Variants in ARHGEF4 observed in about 807,000 individuals in gnomAD.
ARHGEF4 encodes APC-stimulated guanine nucleotide exchange factor 1.
ARHGEF4 carries 119 observed loss-of-function variants against 162.0 expected under a neutral mutation model. That is an observed-to-expected ratio of 0.73 (90% confidence interval 0.63 to 0.86). ARHGEF4 has a LOEUF of 0.86. Among genes scored for constraint, ARHGEF4 ranks in the 40% least tolerant of loss-of-function variants. The pLI is 0.00. For synonymous variants in ARHGEF4, 1,014 were observed against 979.9 expected (o/e 1.03, Z -0.65); for missense variants, 2,488 against 2,456.0 (o/e 1.01, Z -0.28).
chr2:130,923,509 T>G (rs182306156), intron 2 of ARHGEF4, among the ~76,000 whole-genome samples: 1 of 152,194 alleles, frequency 6.6e-6, no homozygotes, highest in African/African-American at 2.4e-5. Flanking sequence ...GGTCATCAAG[T>G]CGATAAACTG....
At chr2:130,842,545 A>T (rs527704082) in intron 1 of ARHGEF4, among the ~76,000 whole-genome samples, 1 of 152,276 alleles carries the variant, frequency 6.6e-6, no homozygotes, top group South Asian at 2.1e-4. Flanking sequence ...CAGTCCTTGG[A>T]TTCTTCATGC....
intron 1 of ARHGEF4, among the ~76,000 whole-genome samples, chr2:130,894,442 G>A (rs963454864): frequency 2.6e-5 from 4 of 152,220 alleles, no homozygotes; most frequent in South Asian, 2.1e-4. Flanking sequence ...TCCAGTAGTC[G>A]CTTTGGGCCC....
intron 1 of ARHGEF4, among the ~76,000 whole-genome samples, chr2:130,869,444 G>A (rs1574127456): frequency 6.6e-6 from 1 of 152,350 alleles, no homozygotes; most frequent in South Asian, 2.1e-4. Flanking sequence ...TGACTGAAGA[G>A]GGAGTTACCC....
rs1691071555 is a variant in ARHGEF4 at position 131,044,395 on chromosome 2, C to T, written c.5254C>T (p.His1752Tyr). The T allele has an allele frequency of 2.5e-6, 4 of 1,586,088 alleles. No homozygotes were observed. The South Asian group carries it at 4.6e-5, about 18-fold the overall frequency. Residue 1752 changes from histidine to tyrosine, a missense_variant, in exon 12 of 14, where the codon CAT becomes TAT. His to Tyr is a moderately conservative substitution (Grantham distance 83). Around this residue, in one of 6 missense-constraint regions of ARHGEF4, gnomAD observed 415 missense variants for 512.4 expected, o/e 0.81. Coordinates refer to ENST00000409359, the MANE Select transcript of ARHGEF4 (RefSeq NM_001367493.1). ...GGAGGACGGGAAGGACAGAGACCTCCATGTGAGCATCAAGAACGCCTTCCG... is the reference window on the plus strand; with the variant it reads ...GGAGGACGGGAAGGACAGAGACCTCTATGTGAGCATCAAGAACGCCTTCCG... ...DLEDGKDRDL[H>Y]VSIKNAFRLH...
intron 3 of ARHGEF4, among the ~76,000 whole-genome samples, chr2:130,935,892 C>T (rs1682914929): frequency 1.3e-5 from 2 of 152,134 alleles, no homozygotes; most frequent in South Asian, 4.1e-4. Context: ...CCTGGTGAAA[C>T]CCAGTCTCTA....
chr2:130,983,561 T>A (rs904902917), intron 4 of ARHGEF4, among the ~76,000 whole-genome samples: 1 of 152,232 alleles, frequency 6.6e-6, no homozygotes, highest in Non-Finnish European at 1.5e-5. Flanking sequence ...CTAGTAAAGA[T>A]TTACTTAAGT....
At chr2:131,028,769 C>T (rs536197865) in intron 5 of ARHGEF4, among the ~76,000 whole-genome samples, 1 of 152,272 alleles carries the variant, frequency 6.6e-6, no homozygotes, top group South Asian at 2.1e-4. Flanking sequence ...GAAGTGTAAC[C>T]AGTTGACCAG....
intron 4 of ARHGEF4, among the ~76,000 whole-genome samples, chr2:130,974,610 C>A (rs1490973795): frequency 8.9e-6 from 1 of 112,680 alleles, no homozygotes; most frequent in Non-Finnish European, 1.8e-5. Context: ...GCCACCACAC[C>A]CAGCTATTTT....
chr2:130,993,061 G>T (rs544730318), intron 4 of ARHGEF4, among the ~76,000 whole-genome samples: 1 of 152,306 alleles, frequency 6.6e-6, no homozygotes, highest in Admixed American at 6.5e-5. Flanking sequence ...TCCAGTCTGG[G>T]CAACAGAGCA....
chr2:130,950,789 T>C (rs1683914558), intron 4 of ARHGEF4, among the ~76,000 whole-genome samples: 1 of 152,020 alleles, frequency 6.6e-6, no homozygotes, highest in African/African-American at 2.4e-5. Flanking sequence ...ACTGGTTTTG[T>C]GACTGGCTTC....
intron 4 of ARHGEF4, among the ~76,000 whole-genome samples, chr2:130,987,239 A>G (rs1477953406): frequency 3.9e-5 from 6 of 152,144 alleles, no homozygotes. Context: ...CAGATTCCAG[A>G]AGGACTCCCC....
At chr2:130,930,175 G>C (rs940829713) in intron 2 of ARHGEF4, among the ~76,000 whole-genome samples, 3 of 152,144 alleles carry the variant, frequency 2.0e-5, no homozygotes, top group Admixed American at 6.6e-5. Flanking sequence ...ACATTTTTAA[G>C]GCAGACTTGA....
At chr2:130,891,248 C>G (rs1228698924) in intron 1 of ARHGEF4, among the ~76,000 whole-genome samples, 3 of 152,192 alleles carry the variant, frequency 2.0e-5, no homozygotes, top group Non-Finnish European at 4.4e-5. Context: ...GCATGATTCA[C>G]TGTTCTGGGT....
chr2:130,866,630 A>G (rs1682297318), intron 1 of ARHGEF4, among the ~76,000 whole-genome samples: 1 of 152,110 alleles, frequency 6.6e-6, no homozygotes, highest in East Asian at 1.9e-4. Context: ...TTCTGCATCT[A>G]TTGATTGGTC....
At chr2:130,898,755 T>A (rs1327260874) in intron 1 of ARHGEF4, among the ~76,000 whole-genome samples, 1 of 151,956 alleles carries the variant, frequency 6.6e-6, no homozygotes, top group African/African-American at 2.4e-5. Context: ...CACACATTTC[T>A]CAGGACTAAG....
At chr2:130,864,676 A>G (rs915556716) in intron 1 of ARHGEF4, among the ~76,000 whole-genome samples, 1 of 152,246 alleles carries the variant, frequency 6.6e-6, no homozygotes, top group Non-Finnish European at 1.5e-5. Context: ...GTGAGCCGAG[A>G]TCATGCCACT....
rs565651356 is a variant in ARHGEF4, at chr2:130,960,704, G to A, written c.3985+14069G>A. On this transcript the variant is annotated intron_variant, in intron 4 of 13. Transcript: ENST00000409359. ...GAAGTGGGCCTGTAAGCTTTATGGG[G>A]ACGGAATCTTCCCCTGGTGAAGGCA... 2.0e-5 allele frequency among the ~76,000 whole-genome samples: 3 copies of A among 152,248 alleles called. No homozygotes were observed. In the South Asian group the frequency reaches 6.2e-4, roughly 32 times the overall value.
intron 4 of ARHGEF4, among the ~76,000 whole-genome samples, chr2:131,020,872 A>C (rs1026812424): frequency 1.3e-5 from 2 of 152,098 alleles, no homozygotes; most frequent in Non-Finnish European, 2.9e-5. Context: ...TGACTTTTTA[A>C]TGATCGCCAT....
chr2:130,917,051 C>A lies in ARHGEF4; in HGVS notation c.3105C>A (p.Thr1035=). Residue 1035 remains threonine (T), a synonymous_variant, in exon 2 of 14, where the codon ACC becomes ACA. Transcript: ENST00000409359. Reference sequence around the variant, plus strand: ...AACCGACCATCAAGTGCACAGCCACCCAGGAAGGCGGTAGGTACCTACCTT... The same window carrying A: ...AACCGACCATCAAGTGCACAGCCACACAGGAAGGCGGTAGGTACCTACCTT... ...KSEPTIKCTA[T]QEGGRYLPSG... The A allele has an allele frequency of 6.4e-7, 1 of 1,550,846 alleles. No individual in the cohort carries two copies. The highest frequency in any genetic ancestry group is 8.7e-7 in the Non-Finnish European group (1 of 1,147,056).
Sources: allele counts gnomAD v4.1 joint callset (sites outside exome capture counted in the v4.1 genomes callset), GRCh38; gene constraint gnomAD v4.1.1; regional missense constraint gnomAD v4.1.1; transcripts MANE v1.5; gene names NCBI Gene and HGNC (gene_info 2026-07-23, HGNC 2026-07-21).